PCSK2: variants seen among roughly 807,000 people sequenced by gnomAD.
PCSK2 encodes neuroendocrine convertase 2.
PCSK2 carries 14 observed loss-of-function variants against 69.7 expected under a neutral mutation model. That is an observed-to-expected ratio of 0.20 (90% CI 0.13 to 0.31). The LOEUF (loss-of-function observed/expected upper bound fraction) is 0.31. Among genes scored for constraint, PCSK2 ranks in the 10% least tolerant of loss-of-function variants. PCSK2 has a pLI of 1.00. For missense variants in PCSK2, 544 were observed against 842.5 expected, an observed-to-expected ratio of 0.65 and a Z score of 4.39; for synonymous variants, 307 against 320.7, an observed-to-expected ratio of 0.96 and a Z score of 0.46.
chr20:17,340,120 A>C (rs1990467952), intron 2 of PCSK2, among the ~76,000 whole-genome samples: 1 of 152,120 alleles, frequency 6.6e-6, no homozygotes. Context: ...CTTTACTTCT[A>C]CCTCCTGAGG....
intron 5 of PCSK2, among the ~76,000 whole-genome samples, chr20:17,385,012 G>T (rs1294259572): frequency 6.6e-6 from 1 of 152,164 alleles, no homozygotes; most frequent in Non-Finnish European, 1.5e-5. Flanking sequence ...GTAAGGGTTG[G>T]CTAACTACAC....
At chr20:17,398,183 GA>G in intron 5 of PCSK2, among the ~76,000 whole-genome samples, 1 of 152,210 alleles carries the variant, frequency 6.6e-6, no homozygotes, top group Non-Finnish European at 1.5e-5. Context: ...ATGCAGAAAG[GA>G]AAAGCGGGGA....
chr20:17,403,683 A>AAAGGAC (rs2031693471), intron 5 of PCSK2, among the ~76,000 whole-genome samples: 1 of 152,250 alleles, frequency 6.6e-6, no homozygotes, highest in Non-Finnish European at 1.5e-5. Context: ...AAGACAGAAT[A>AAAGGAC]AAAGGACAAA....
chr20:17,245,493 T>G (rs73255412), intron 1 of PCSK2, among the ~76,000 whole-genome samples: 4,203 of 152,300 alleles, frequency 0.028, 176 homozygotes, highest in African/African-American at 0.094. Flanking sequence ...TCTCCTTTAT[T>G]TAGAAATAAC....
intron 6 of PCSK2, among the ~76,000 whole-genome samples, chr20:17,412,763 G>A (rs879892301): frequency 1.3e-5 from 2 of 152,194 alleles, no homozygotes; most frequent in Admixed American, 6.5e-5. Flanking sequence ...AGGAAAAAAT[G>A]TTAAGGGTAG....
intron 2 of PCSK2, among the ~76,000 whole-genome samples, chr20:17,288,660 G>T (rs1988598633): frequency 6.6e-6 from 1 of 152,190 alleles, no homozygotes; most frequent in Non-Finnish European, 1.5e-5. Flanking sequence ...ACACCCATGA[G>T]AAGGGCAAAT....
chr20:17,237,196 G>T (rs567293104), intron 1 of PCSK2, among the ~76,000 whole-genome samples: 1 of 152,300 alleles, frequency 6.6e-6, no homozygotes, highest in South Asian at 2.1e-4. Flanking sequence ...GAGAGCTATG[G>T]TTGGTGAGTG....
chr20:17,378,025 CA>C (rs2030977508), intron 5 of PCSK2, among the ~76,000 whole-genome samples: 1 of 152,144 alleles, frequency 6.6e-6, no homozygotes, highest in Non-Finnish European at 1.5e-5. Context: ...TCCCACTGTG[CA>C]AAATGCTATA....
intron 7 of PCSK2, among the ~76,000 whole-genome samples, chr20:17,435,317 A>G (rs1264233629): frequency 1.3e-5 from 2 of 152,224 alleles, no homozygotes; most frequent in African/African-American, 4.8e-5. Flanking sequence ...AAATAGACAC[A>G]TGCCCTATAC....
At chr20:17,360,068 A>G (rs1304795317) in intron 3 of PCSK2, among the ~76,000 whole-genome samples, 1 of 152,212 alleles carries the variant, frequency 6.6e-6, no homozygotes, top group African/African-American at 2.4e-5. Context: ...TAACTAGGAC[A>G]TGTCATCTCC....
At chr20:17,294,444 T>G (rs1988821100) in intron 2 of PCSK2, among the ~76,000 whole-genome samples, 1 of 152,210 alleles carries the variant, frequency 6.6e-6, no homozygotes, top group East Asian at 1.9e-4. Flanking sequence ...TTTATGCTTC[T>G]CCAGTGTTTT....
chr20:17,270,173 T>C (rs1987804996), intron 2 of PCSK2, among the ~76,000 whole-genome samples: 1 of 152,128 alleles, frequency 6.6e-6, no homozygotes, highest in African/African-American at 2.4e-5. Context: ...CAAAAGTGGT[T>C]TGAAGTTGGT....
rs568941641 is a variant in PCSK2, at chr20:17,482,818, GC to G, written c.*751del. ...AGTTATGTTAAAATCCGCTAGAGCA[GC>G]CCAAATTTTTCTCAGTTTGTATAGA... On this transcript the variant is annotated 3_prime_UTR_variant, in exon 12 of 12. Coordinates refer to ENST00000262545, the MANE Select transcript of PCSK2 (RefSeq NM_002594.5). The G allele has an allele frequency of 6.6e-5, 10 of 152,552 alleles. No individual in the cohort carries two copies. The East Asian group carries it at 1.9e-3, about 29-fold the overall frequency. The allele number at this position is 152,552 out of a possible 1,614,324, so 9.4% of individuals were successfully genotyped here. A position where few individuals can be genotyped will look rare whatever the true frequency, so the allele number is the denominator to read the frequency against.
intron 5 of PCSK2, among the ~76,000 whole-genome samples, chr20:17,406,093 G>C (rs984583527): frequency 6.6e-6 from 1 of 152,180 alleles, no homozygotes; most frequent in East Asian, 1.9e-4. Context: ...TCGGTGACCA[G>C]AACATTAAAT....
chr20:17,263,542 G>T (rs1342862287), intron 2 of PCSK2, among the ~76,000 whole-genome samples: 1 of 152,164 alleles, frequency 6.6e-6, no homozygotes, highest in African/African-American at 2.4e-5. Context: ...TTTCTTCAGG[G>T]TTTTAATCCA....
rs200453052 is a variant in PCSK2 at position 17,227,517 on chromosome 20, A to G, written c.177+35A>G. ...CCCATGCATTTCGCATGTTGTTTCA[A>G]AACGGGGGGACGGGGGGGCAGCCCT... On this transcript the variant is annotated intron_variant, in intron 1 of 11. Coordinates refer to ENST00000262545, the MANE Select transcript of PCSK2 (RefSeq NM_002594.5). The G allele has an allele frequency of 2.6e-6, 4 of 1,552,196 alleles. No homozygotes were observed. In the African/African-American group the frequency reaches 5.4e-5, roughly 21 times the overall value.
intron 1 of PCSK2, among the ~76,000 whole-genome samples, chr20:17,243,411 G>A (rs1986656341): frequency 6.6e-6 from 1 of 152,086 alleles, no homozygotes; most frequent in African/African-American, 2.4e-5. Context: ...TGTTGCCCAG[G>A]CTGGTCTCAA....
chr20:17,396,484 T>G (rs910589222), intron 5 of PCSK2, among the ~76,000 whole-genome samples: 1 of 152,194 alleles, frequency 6.6e-6, no homozygotes, highest in Non-Finnish European at 1.5e-5. Context: ...AACCCACGTC[T>G]TTTCTATTTC....
At chr20:17,292,937 G>A in intron 2 of PCSK2, among the ~76,000 whole-genome samples, 1 of 152,028 alleles carries the variant, frequency 6.6e-6, no homozygotes. Flanking sequence ...CGATTCTCCT[G>A]CCTCAGCCTC....
Sources: gnomAD v4.1 joint callset for allele counts (sites outside exome capture counted in the v4.1 genomes callset) on GRCh38, gnomAD v4.1.1 for gene constraint, MANE v1.5 for transcripts, NCBI Gene and HGNC (gene_info 2026-07-23, HGNC 2026-07-21) for gene names.